SLC22A9: variants seen among roughly 807,000 people sequenced by gnomAD.
SLC22A9 encodes the protein organic anion transporter 7.
In SLC22A9, 64 loss-of-function variants were observed where a neutral mutation model predicts 50.1. The ratio of observed to expected loss-of-function variants is 1.28; its 90% confidence interval spans 1.04 to 1.57. The LOEUF (loss-of-function observed/expected upper bound fraction) is 1.57, where lower values mean the gene tolerates loss of function less well. SLC22A9 is among the 40% of genes most tolerant of loss of function. The probability of loss-of-function intolerance (pLI) is 0.00; values close to 1 mark genes in which losing one functional copy is unlikely to be tolerated. For missense variants in SLC22A9, 757 were observed against 676.1 expected (o/e 1.12, Z -1.33); for synonymous variants, 261 against 242.5 (o/e 1.08, Z -0.71).
At chr11:63,375,622 C>T (rs1262104138) in intron 4 of SLC22A9, 23 bp from the exon 5 acceptor site, 2 of 1,607,838 alleles carry the variant, frequency 1.2e-6, no homozygotes, top group Non-Finnish European at 1.7e-6. Flanking sequence ...GTCGACTGCC[C>T]CTCTGTTCTC....
intron 6 of SLC22A9, among the ~76,000 whole-genome samples, chr11:63,392,033 A>G (rs184560024): frequency 4.6e-5 from 7 of 152,198 alleles, no homozygotes; most frequent in Admixed American, 3.9e-4. Context: ...TCTTTAACCC[A>G]TAATTTTAAA....
chr11:63,387,159 G>T (rs2014684185), intron 6 of SLC22A9, among the ~76,000 whole-genome samples: 1 of 151,956 alleles, frequency 6.6e-6, no homozygotes, highest in South Asian at 2.1e-4. Context: ...AATCCCATTT[G>T]TTCACTTTTG....
chr11:63,371,381 G>A lies in SLC22A9; in HGVS notation c.506+143G>A, dbSNP rs4963404. On this transcript the variant is annotated intron_variant, in intron 2 of 9. Coordinates refer to ENST00000279178, the MANE Select transcript of SLC22A9 (RefSeq NM_080866.3). Reference sequence around the variant, plus strand: ...AAACAGAAAAGGAAATTTTTAGTCCGTGTTTTGAGTGCTATTTTTAAAATT... The same window carrying A: ...AAACAGAAAAGGAAATTTTTAGTCCATGTTTTGAGTGCTATTTTTAAAATT... 8.0e-3 allele frequency: 4,769 copies of A among 598,916 alleles called. 163 individuals carry two copies. The highest frequency in any genetic ancestry group is 0.077 in the Admixed American group (2,393 of 31,130). The allele number at this position is 598,916 out of a possible 1,614,324, so 37.1% of individuals were successfully genotyped here. A position where few individuals can be genotyped will look rare whatever the true frequency, so the allele number is the denominator to read the frequency against.
intron 6 of SLC22A9, among the ~76,000 whole-genome samples, chr11:63,399,226 G>A (rs1376890084): frequency 6.6e-6 from 1 of 152,052 alleles, no homozygotes; most frequent in African/African-American, 2.4e-5. Flanking sequence ...AATGTACATG[G>A]ACTAAATTCT....
At chr11:63,408,359 C>T (rs1591030569) in intron 8 of SLC22A9, 139 bp downstream of exon 8, 1 of 737,128 alleles carries the variant, frequency 1.4e-6, no homozygotes, top group Non-Finnish European at 2.2e-6. Context: ...AATTATAGAC[C>T]AACTTTATCT....
At chr11:63,394,719 G>C (rs1417360738) in intron 6 of SLC22A9, among the ~76,000 whole-genome samples, 2 of 152,098 alleles carry the variant, frequency 1.3e-5, no homozygotes, top group African/African-American at 4.8e-5. Context: ...TTATCTATTT[G>C]AGATGAATTT....
chr11:63,385,880 A>G (rs2014656317), intron 6 of SLC22A9, among the ~76,000 whole-genome samples: 1 of 152,170 alleles, frequency 6.6e-6, no homozygotes, highest in African/African-American at 2.4e-5. Flanking sequence ...CCAGTTTTCA[A>G]GGGGAATGCT....
chr11:63,391,332 C>T (rs993757511), intron 6 of SLC22A9, among the ~76,000 whole-genome samples: 8 of 151,952 alleles, frequency 5.3e-5, no homozygotes, highest in African/African-American at 1.2e-4. Flanking sequence ...TCTATTAGGT[C>T]GATTTGTTCT....
In SLC22A9 at chr11:63,409,785, C is replaced by A; in HGVS notation, c.1602-17C>A. On this transcript the variant is annotated splice_polypyrimidine_tract_variant and intron_variant, in intron 9 of 9. Transcript: ENST00000279178. ...CATTTTTGTGATTTTTTGTTGGTTT[C>A]TTTGTATTTGTTCTAGGAGAAAAGA... 2 of 1,612,160 alleles carry A rather than the reference C, an allele frequency of 1.2e-6. No homozygotes were observed. The highest frequency in any genetic ancestry group is 1.7e-6 in the Non-Finnish European group (2 of 1,179,138).
intron 6 of SLC22A9, among the ~76,000 whole-genome samples, chr11:63,396,719 T>C (rs1185297772): frequency 6.6e-6 from 1 of 152,212 alleles, no homozygotes; most frequent in Non-Finnish European, 1.5e-5. Flanking sequence ...TATTTTTAAT[T>C]ATTTCAATTT....
At chr11:63,389,929 C>A (rs2014733918) in intron 6 of SLC22A9, among the ~76,000 whole-genome samples, 1 of 152,154 alleles carries the variant, frequency 6.6e-6, no homozygotes, top group Non-Finnish European at 1.5e-5. Flanking sequence ...TGTCTAATGA[C>A]CAGTGATGAT....
intron 5 of SLC22A9, among the ~76,000 whole-genome samples, chr11:63,377,406 C>G (rs1026663886): frequency 3.9e-5 from 6 of 152,102 alleles, no homozygotes; most frequent in African/African-American, 1.4e-4. Context: ...GAAGATCTCC[C>G]AAAATCATAA....
chr11:63,375,239 T>C (rs1355264366), intron 4 of SLC22A9, among the ~76,000 whole-genome samples: 1 of 152,196 alleles, frequency 6.6e-6, no homozygotes, highest in Non-Finnish European at 1.5e-5. Context: ...TCTAGTTGTA[T>C]GAGGCCTTAA....
At chr11:63,399,788 G>T (rs892497076) in intron 6 of SLC22A9, among the ~76,000 whole-genome samples, 1 of 152,072 alleles carries the variant, frequency 6.6e-6, no homozygotes, top group Non-Finnish European at 1.5e-5. Context: ...GATAGACCAT[G>T]TTAGAACACA....
intron 4 of SLC22A9, among the ~76,000 whole-genome samples, chr11:63,374,994 A>G (rs2014435318): frequency 6.6e-6 from 1 of 152,152 alleles, no homozygotes; most frequent in Admixed American, 6.6e-5. Context: ...AGTGAAAGAC[A>G]TCTATTTGGA....
At chr11:63,400,438 A>C (rs1294875362) in intron 6 of SLC22A9, among the ~76,000 whole-genome samples, 1 of 152,058 alleles carries the variant, frequency 6.6e-6, no homozygotes, top group Admixed American at 6.6e-5. Context: ...GACACATAGA[A>C]TATTGATTGA....
At chr11:63,373,359 G>A (rs968564599) in intron 2 of SLC22A9, among the ~76,000 whole-genome samples, 1 of 151,952 alleles carries the variant, frequency 6.6e-6, no homozygotes. Flanking sequence ...AGGGACTTCT[G>A]ATACTTTAAA....
In SLC22A9 at chr11:63,408,788, G is replaced by C. The variant is rs2015084993; in HGVS notation, c.1510G>C (p.Val504Leu). 6.2e-7 allele frequency: 1 copy of C among 1,613,888 alleles called. No individual in the cohort carries two copies. The highest frequency in any genetic ancestry group is 1.3e-5 in the African/African-American group (1 of 74,908). ...SPPLPWIIYG[V>L]FPFISGFAFL... Reference sequence around the variant, plus strand: ...ACCCCTGCCCTGGATCATCTATGGAGTCTTCCCCTTCATCTCTGGCTTTGC... The same window carrying C: ...ACCCCTGCCCTGGATCATCTATGGACTCTTCCCCTTCATCTCTGGCTTTGC... Residue 504 changes from valine to leucine, a missense_variant, in exon 9 of 10, where the codon GTC (valine) becomes CTC (leucine). By Grantham distance (32) the Val-to-Leu change is conservative. Transcript: ENST00000279178.
chr11:63,372,224 A>G (rs948142135), intron 2 of SLC22A9, among the ~76,000 whole-genome samples: 1 of 152,156 alleles, frequency 6.6e-6, no homozygotes, highest in Admixed American at 6.6e-5. Flanking sequence ...TTTCTCACAA[A>G]CCTAAGAGGA....
Sources: allele counts gnomAD v4.1 joint callset (sites outside exome capture counted in the v4.1 genomes callset), GRCh38; gene constraint gnomAD v4.1.1; transcripts MANE v1.5; gene names NCBI Gene and HGNC (gene_info 2026-07-23, HGNC 2026-07-21).